DICER1: variants seen among roughly 807,000 people sequenced by gnomAD.
DICER1 encodes endoribonuclease Dicer.
DICER1 carries 43 observed loss-of-function variants against 194.1 expected under a neutral mutation model. That is an observed-to-expected ratio of 0.22 (90% CI 0.17 to 0.29). DICER1 has a LOEUF of 0.29. Ranked by LOEUF, DICER1 falls within the 10% of genes least tolerant of loss-of-function variation. The probability of loss-of-function intolerance (pLI) is 1.00; values close to 1 mark genes in which losing one functional copy is unlikely to be tolerated. For synonymous variants in DICER1, 832 were observed against 820.5 expected, an observed-to-expected ratio of 1.01 and a Z score of -0.24; for missense variants, 1,608 against 2,317.0, an observed-to-expected ratio of 0.69 and a Z score of 6.28.
intron 3 of DICER1, 44 bp from the exon 4 acceptor site, chr14:95,131,683 C>G: frequency 1.3e-6 from 2 of 1,584,172 alleles, no homozygotes; most frequent in Non-Finnish European, 1.7e-6. Context: ...AGAAATCTTG[C>G]CTAGTTGGCT....
intron 22 of DICER1, among the ~76,000 whole-genome samples, chr14:95,097,662 G>A (rs879474633): frequency 1.3e-5 from 2 of 152,150 alleles, no homozygotes; most frequent in Non-Finnish European, 2.9e-5. Flanking sequence ...AAGACGAAGG[G>A]TGTGCATCAA....
At chr14:95,111,499 CTGAT>C in intron 13 of DICER1, 43 bp from the exon 14 acceptor site, 2 of 1,606,752 alleles carry the variant, frequency 1.2e-6, no homozygotes, top group Non-Finnish European at 1.7e-6. Flanking sequence ...CAGATTTTGC[CTGAT>C]TAATTAGTAA....
At chr14:95,118,411 C>T (rs935423779) in intron 8 of DICER1, among the ~76,000 whole-genome samples, 1 of 152,206 alleles carries the variant, frequency 6.6e-6, no homozygotes, top group Non-Finnish European at 1.5e-5. Flanking sequence ...CCCCAGGCCA[C>T]TGACCAAAAT....
chr14:95,103,324 A>G (rs972548802), intron 21 of DICER1, 22 bp downstream of exon 21: 2 of 1,612,302 alleles, frequency 1.2e-6, no homozygotes, highest in African/African-American at 2.7e-5. Flanking sequence ...TAACTGCTCA[A>G]AATAAAAAAA....
rs1314962455 is a variant in DICER1, at chr14:95,091,567, AAAG to A, written c.5365-205_5365-203del. ...AAGTTTTTCAAACTTCTCAAGAAAA[AAAG>A]AAAAAATATCCCCACCCCATTTATT... On this transcript the variant is annotated intron_variant, in intron 24 of 26. Coordinates refer to ENST00000343455, the MANE Select transcript of DICER1 (RefSeq NM_177438.3). The A allele has an allele frequency of 1.1e-4, 64 of 574,142 alleles. No individual in the cohort carries two copies. In the East Asian group the frequency reaches 1.6e-3, roughly 14 times the overall value. The allele number at this position is 574,142 out of a possible 1,614,324, so 35.6% of individuals were successfully genotyped here. A position where few individuals can be genotyped will look rare whatever the true frequency, so the allele number is the denominator to read the frequency against.
At chr14:95,109,152 A>G (rs1435114620) in intron 14 of DICER1, among the ~76,000 whole-genome samples, 1 of 152,212 alleles carries the variant, frequency 6.6e-6, no homozygotes, top group Non-Finnish European at 1.5e-5. Flanking sequence ...ATATGAGCCA[A>G]TATCATCATT....
chr14:95,113,276 A>G lies in DICER1; in HGVS notation c.1908-52T>C, dbSNP rs908606325. On this transcript the variant is annotated intron_variant, in intron 11 of 26. Transcript: ENST00000343455. ...TGAATCTACAACTGAGAAAATATTG[A>G]TATTTATAACCTCGAGTTTGATTTG... The G allele has an allele frequency of 7.7e-6, 12 of 1,564,360 alleles. No individual in the cohort carries two copies. In the African/African-American group the frequency reaches 1.1e-4, roughly 14 times the overall value.
chr14:95,131,584 A>C lies in DICER1; in HGVS notation c.363T>G (p.Val121=). 6.2e-7 allele frequency: 1 copy of C among 1,613,622 alleles called. No homozygotes were observed. Among genetic ancestry groups the C allele is most frequent in the Non-Finnish European group, 8.5e-7 (1 of 1,179,522 alleles). The change falls in exon 4 of 27, where the codon GTT becomes GTG. Residue 121 remains valine, a synonymous_variant. Coordinates refer to ENST00000343455, the MANE Select transcript of DICER1 (RefSeq NM_177438.3). ...TTACTTCTAGGTTTGAGTATTCCCC[A>C]ACCTTGAGATCTGAATGAGTTCTGA... The part of the protein sequence containing the change: ...SAVRTHSDLK[V]GEYSNLEVNA...
chr14:95,092,782 G>A, intron 24 of DICER1, among the ~76,000 whole-genome samples: 1 of 152,182 alleles, frequency 6.6e-6, no homozygotes, highest in East Asian at 1.9e-4. Context: ...TCCAAAGAGA[G>A]CTTAAATCTA....
intron 22 of DICER1, among the ~76,000 whole-genome samples, chr14:95,098,951 A>C (rs1199777394): frequency 6.6e-6 from 1 of 152,250 alleles, no homozygotes; most frequent in Non-Finnish European, 1.5e-5. Context: ...CAAAGAAGAC[A>C]TGGAGAAAAT....
At chr14:95,114,394 T>C (rs1347143502) in intron 11 of DICER1, among the ~76,000 whole-genome samples, 1 of 152,036 alleles carries the variant, frequency 6.6e-6, no homozygotes, top group Non-Finnish European at 1.5e-5. Flanking sequence ...TTATAACCCA[T>C]TAAATAAAAC....
chr14:95,125,553 G>A (rs1278210851), intron 7 of DICER1, among the ~76,000 whole-genome samples: 9 of 100,230 alleles, frequency 9.0e-5, no homozygotes, highest in Admixed American at 4.1e-4. Context: ...GGAGAAGGTC[G>A]GGGGAGGGAG....
At chr14:95,131,780 A>T (rs1393230052) in intron 3 of DICER1, 141 bp from the exon 4 acceptor site, 28 of 842,046 alleles carry the variant, frequency 3.3e-5, no homozygotes, top group Non-Finnish European at 4.7e-5. Flanking sequence ...GCCTCTTTAA[A>T]ACCACAGTTC....
intron 8 of DICER1, among the ~76,000 whole-genome samples, chr14:95,118,800 TAA>T (rs77503343): frequency 1.8e-4 from 26 of 145,164 alleles, no homozygotes; most frequent in African/African-American, 6.0e-4. Flanking sequence ...ATCATTCTTT[TAA>T]AAAAAAAAAA....
At chr14:95,110,031 T>A (rs1056787903) in intron 14 of DICER1, among the ~76,000 whole-genome samples, 3 of 152,198 alleles carry the variant, frequency 2.0e-5, no homozygotes, top group Non-Finnish European at 4.4e-5. Flanking sequence ...CTTCGGCAGG[T>A]TCTTAGAAAC....
chr14:95,117,070 C>CTT (rs1892538613), intron 9 of DICER1, among the ~76,000 whole-genome samples: 1 of 152,156 alleles, frequency 6.6e-6, no homozygotes, highest in Non-Finnish European at 1.5e-5. Context: ...AAATAATAAA[C>CTT]TTTAAATAGG....
In DICER1 at chr14:95,103,487, C is replaced by G. The variant is rs1595364171; in HGVS notation, c.3909G>C (p.Leu1303=). Residue 1303 remains leucine, a synonymous_variant, in exon 21 of 27, where the codon CTG becomes CTC. Transcript: ENST00000343455. ...GGTTAAATCCATCACTAGCGTTTGA[C>G]AGAGTCAAAGCCTGAAGAATAAGTC... ...NPGLILQALT[L]SNASDGFNLE... 6.2e-7 allele frequency: 1 copy of G among 1,614,022 alleles called. No individual in the cohort carries two copies. Among genetic ancestry groups the G allele is most frequent in the Admixed American group, 1.7e-5 (1 of 60,002 alleles).
chr14:95,137,495 AG>A (rs369875094), intron 1 of DICER1, among the ~76,000 whole-genome samples: 23 of 135,172 alleles, frequency 1.7e-4, no homozygotes, highest in East Asian at 1.6e-3. Flanking sequence ...GGGAAGGGGA[AG>A]GGAAAGGGGA....
At chr14:95,103,164 T>TA (rs1308523211) in intron 21 of DICER1, among the ~76,000 whole-genome samples, 182 bp downstream of exon 21, 1 of 152,180 alleles carries the variant, frequency 6.6e-6, no homozygotes, top group Non-Finnish European at 1.5e-5. Context: ...ACTCATCAAC[T>TA]GCCAGGTAGT....
Sources: gnomAD v4.1 joint callset for allele counts (sites outside exome capture counted in the v4.1 genomes callset) on GRCh38, gnomAD v4.1.1 for gene constraint, MANE v1.5 for transcripts, NCBI Gene and HGNC (gene_info 2026-07-23, HGNC 2026-07-21) for gene names.